Variants in RALYL observed in about 807,000 individuals in gnomAD.
RALYL encodes RNA-binding Raly-like protein.
RALYL carries 29 observed loss-of-function variants against 35.1 expected under a neutral mutation model. The observed-to-expected ratio is 0.83, with a 90% CI of 0.61 to 1.13. The LOEUF is 1.13. Among genes scored for constraint, RALYL ranks in the 50% most tolerant of loss-of-function variants. RALYL has a pLI of 0.00. For missense variants in RALYL, 359 were observed against 360.4 expected (o/e 1.00, Z 0.03); for synonymous variants, 120 against 127.6 (o/e 0.94, Z 0.40).
intron 2 of RALYL, among the ~76,000 whole-genome samples, chr8:84,647,650 T>G (rs1489340491): frequency 6.6e-6 from 1 of 152,112 alleles, no homozygotes; most frequent in Non-Finnish European, 1.5e-5. Flanking sequence ...TTATCTCTAG[T>G]ATTTACCTTT....
intron 1 of RALYL, among the ~76,000 whole-genome samples, chr8:84,368,652 T>A (rs1855043885): frequency 1.3e-5 from 2 of 152,164 alleles, no homozygotes; most frequent in South Asian, 4.1e-4. Flanking sequence ...CAGGGAAATT[T>A]ACTCCCCCTT....
intron 2 of RALYL, among the ~76,000 whole-genome samples, chr8:84,619,608 T>G (rs1358920584): frequency 1.3e-4 from 19 of 148,726 alleles, no homozygotes; most frequent in South Asian, 4.4e-4. Flanking sequence ...AAGTTAATAT[T>G]GTTATGTGTG....
intron 1 of RALYL, among the ~76,000 whole-genome samples, chr8:84,320,832 T>G (rs1048491668): frequency 1.3e-5 from 2 of 152,146 alleles, no homozygotes; most frequent in African/African-American, 4.8e-5. Flanking sequence ...CCAGCCAAGA[T>G]AGATTATCAG....
Position 84,263,891 on chromosome 8 carries a change from T to C in RALYL, c.-24+79467T>C, listed in dbSNP as rs557499425. ...TTGGTTTTCTATTCCTGCATTAGTT[T>C]GTTGAGGATAATGGCTTCCAGCTTC... On this transcript the variant is annotated intron_variant, in intron 1 of 8. Transcript: ENST00000521268. Among the ~76,000 whole-genome samples, 8 of 152,292 alleles carry C rather than the reference T, an allele frequency of 5.3e-5. No individual in the cohort carries two copies. In the South Asian group the frequency reaches 1.7e-3, roughly 32 times the overall value.
At chr8:84,282,747 CGTGTGTGTGTGTGTGTGTGT>C (rs5892909) in intron 1 of RALYL, among the ~76,000 whole-genome samples, 1 of 148,686 alleles carries the variant, frequency 6.7e-6, no homozygotes, top group Non-Finnish European at 1.5e-5. Context: ...TATGTGTATG[CGTGTGTGTGTGTGTGTGTGT>C]GTGTGTGTGT....
intron 4 of RALYL, among the ~76,000 whole-genome samples, chr8:84,842,521 C>A (rs773400041): frequency 2.0e-5 from 3 of 152,174 alleles, no homozygotes; most frequent in Admixed American, 6.5e-5. Context: ...AGATTCACAG[C>A]CGAATTCTAC....
chr8:84,424,565 C>G (rs1587085753), intron 1 of RALYL, among the ~76,000 whole-genome samples: 4 of 151,368 alleles, frequency 2.6e-5, no homozygotes, highest in Admixed American at 1.3e-4. Context: ...AAGTCATTCT[C>G]CATCCAGCTT....
intron 1 of RALYL, among the ~76,000 whole-genome samples, chr8:84,290,296 T>C (rs949387819): frequency 9.2e-5 from 14 of 152,178 alleles, no homozygotes; most frequent in African/African-American, 2.9e-4. Flanking sequence ...TAGTCACCTC[T>C]TGTTTTCATG....
At chr8:84,851,469 A>G (rs895483068) in intron 5 of RALYL, among the ~76,000 whole-genome samples, 1 of 152,230 alleles carries the variant, frequency 6.6e-6, no homozygotes, top group African/African-American at 2.4e-5. Context: ...TCAACTATAT[A>G]TAGATAGATT....
chr8:84,745,798 G>T (rs933948813), intron 2 of RALYL, among the ~76,000 whole-genome samples: 1 of 151,988 alleles, frequency 6.6e-6, no homozygotes, highest in Non-Finnish European at 1.5e-5. Flanking sequence ...TTCCATCCCT[G>T]TCTCCTTTCC....
intron 2 of RALYL, among the ~76,000 whole-genome samples, chr8:84,687,628 G>A (rs1368224977): frequency 6.6e-6 from 1 of 152,108 alleles, no homozygotes; most frequent in African/African-American, 2.4e-5. Context: ...TAAAAAATGT[G>A]TTGCATAATT....
chr8:84,237,094 C>G (rs188338009), intron 1 of RALYL, among the ~76,000 whole-genome samples: 1 of 152,290 alleles, frequency 6.6e-6, no homozygotes, highest in Non-Finnish European at 1.5e-5. Context: ...TACAGAATAA[C>G]TAGCAGACCA....
intron 1 of RALYL, among the ~76,000 whole-genome samples, chr8:84,430,552 C>A (rs2047036164): frequency 6.6e-6 from 1 of 152,004 alleles, no homozygotes; most frequent in South Asian, 2.1e-4. Context: ...ACAATAAGAA[C>A]CACTGGGAGG....
intron 1 of RALYL, among the ~76,000 whole-genome samples, chr8:84,317,433 C>T (rs1448633880): frequency 6.6e-6 from 1 of 152,078 alleles, no homozygotes; most frequent in Non-Finnish European, 1.5e-5. Context: ...AGATAGCTGC[C>T]TCAATTCTAA....
At chr8:84,475,588 G>GAA (rs1352403876) in intron 1 of RALYL, among the ~76,000 whole-genome samples, 1 of 152,126 alleles carries the variant, frequency 6.6e-6, no homozygotes, top group Non-Finnish European at 1.5e-5. Flanking sequence ...ATACACCAAA[G>GAA]AAAAGGGTTT....
At chr8:84,211,556 G>A (rs544704695) in intron 1 of RALYL, among the ~76,000 whole-genome samples, 2 of 152,224 alleles carry the variant, frequency 1.3e-5, no homozygotes, top group African/African-American at 4.8e-5. Flanking sequence ...TGATTAGCAT[G>A]TAGTTTCCCC....
intron 1 of RALYL, among the ~76,000 whole-genome samples, chr8:84,315,663 A>G (rs897775145): frequency 1.3e-5 from 2 of 152,112 alleles, no homozygotes; most frequent in Non-Finnish European, 2.9e-5. Context: ...AGCTCAGTTA[A>G]GTAGATTTTA....
At chr8:84,623,601 A>G (rs1032516726) in intron 2 of RALYL, among the ~76,000 whole-genome samples, 3 of 152,126 alleles carry the variant, frequency 2.0e-5, no homozygotes, top group African/African-American at 7.2e-5. Flanking sequence ...ATTGGGGTGC[A>G]TTAAGGGGAG....
chr8:84,682,273 T>A (rs917616092), intron 2 of RALYL, among the ~76,000 whole-genome samples: 9 of 152,228 alleles, frequency 5.9e-5, no homozygotes, highest in African/African-American at 2.2e-4. Context: ...TGCATCAATG[T>A]TCATCAGGGT....
Sources: allele counts gnomAD v4.1 joint callset (sites outside exome capture counted in the v4.1 genomes callset), GRCh38; gene constraint gnomAD v4.1.1; transcripts MANE v1.5; gene names NCBI Gene and HGNC (gene_info 2026-07-23, HGNC 2026-07-21).